PHC1: variants seen among roughly 807,000 people sequenced by gnomAD.
PHC1 encodes polyhomeotic homolog 1, also known as polyhomeotic-like protein 1.
In PHC1, 12 loss-of-function variants were observed where a neutral mutation model predicts 104.3. The ratio of observed to expected loss-of-function variants is 0.12; its 90% CI spans 0.07 to 0.19. The LOEUF (loss-of-function observed/expected upper bound fraction) is 0.19, where lower values mean the gene tolerates loss of function less well. Ranked by LOEUF, PHC1 falls within the 10% of genes least tolerant of loss-of-function variation. The probability of loss-of-function intolerance (pLI) is 1.00; values close to 1 mark genes in which losing one functional copy is unlikely to be tolerated. For synonymous variants in PHC1, 302 were observed against 455.8 expected, an observed-to-expected ratio of 0.66 and a Z score of 4.30; for missense variants, 671 against 1,200.0, an observed-to-expected ratio of 0.56 and a Z score of 6.51.
chr12:8,923,716 A>C (rs1404262365), intron 6 of PHC1, among the ~76,000 whole-genome samples: 1 of 151,590 alleles, frequency 6.6e-6, no homozygotes, highest in Non-Finnish European at 1.5e-5. Flanking sequence ...TGTAGTCCCA[A>C]CTACCTGGGA....
Position 8,937,615 on chromosome 12 carries a change from A to G in PHC1, c.2629-214A>G, listed in dbSNP as rs145125441. Among the ~76,000 whole-genome samples the G allele has an allele frequency of 4.1e-3, 627 of 152,194 alleles. 6 individuals are homozygous for G. Among genetic ancestry groups the G allele is most frequent in the African/African-American group, 0.014 (587 of 41,518 alleles). On this transcript the variant is annotated intron_variant, in intron 13 of 14. Transcript: ENST00000544916. ...TGTACTTGAGAGAAAATCTAGATCA[A>G]TTGTTAGGTCATGGGGAGAATCAAG...
intron 6 of PHC1, among the ~76,000 whole-genome samples, chr12:8,927,422 T>C (rs770861170): frequency 2.0e-5 from 3 of 152,040 alleles, no homozygotes; most frequent in Non-Finnish European, 4.4e-5. Context: ...GAGGAGGCAG[T>C]GGATATTATA....
chr12:8,934,202 C>A, intron 9 of PHC1, 65 bp from the exon 10 acceptor site: 1 of 1,378,862 alleles, frequency 7.3e-7, no homozygotes, highest in South Asian at 1.2e-5. Context: ...ATCATGCTGG[C>A]TCAACTAATA....
chr12:8,930,966 T>G, intron 7 of PHC1, 39 bp downstream of exon 7: 1 of 1,547,742 alleles, frequency 6.5e-7, no homozygotes, highest in Non-Finnish European at 8.7e-7. Flanking sequence ...CTCTCAGAAT[T>G]CATGTGAAAT....
chr12:8,932,447 C>T, intron 7 of PHC1, 116 bp from the exon 8 acceptor site: 1 of 1,068,622 alleles, frequency 9.4e-7, no homozygotes. Flanking sequence ...TTTCTTTTCA[C>T]CGCATAATTC....
Position 8,922,497 on chromosome 12 carries a change from G to C in PHC1, c.457-136G>C, listed in dbSNP as rs1479355747. ...TACATGTGGAGAATATGAGGCTCCT[G>C]GGTTGGTGTGGAAGAGGCAGGGCTC... On this transcript the variant is annotated intron_variant, in intron 5 of 14. Transcript: ENST00000544916. 3 of 679,890 alleles carry C rather than the reference G, an allele frequency of 4.4e-6. No homozygotes were observed. The East Asian group carries it at 8.2e-5, about 19-fold the overall frequency. 42.1% of individuals were successfully genotyped at this position (679,890 alleles called of 1,614,324 possible).
At chr12:8,915,310 T>C (rs1303449549) in intron 1 of PHC1, 1 of 152,264 alleles carries the variant, frequency 6.6e-6, no homozygotes, top group African/African-American at 2.4e-5. Context: ...TCATCAAGGT[T>C]CTATATAGAA....
At chr12:8,920,035 C>A in intron 3 of PHC1, 169 bp downstream of exon 3, 2 of 1,029,800 alleles carry the variant, frequency 1.9e-6, no homozygotes, top group Non-Finnish European at 2.8e-6. Context: ...TCTGGGGTTG[C>A]AGTAAGAACC....
In PHC1 at chr12:8,933,131, G is replaced by A; in HGVS notation, c.1674G>A (p.Met558Ile). ...CTGCTGTACCTACTTCCCGGGGGAT[G>A]CCAGGTACAGTGCAGTCTGGTCAGG... The part of the protein sequence containing the change: ...LAAAVPTSRG[M>I]PGTVQSGQAH... Residue 558 changes from methionine to isoleucine, a missense_variant, in exon 8 of 15, where the codon ATG (methionine) becomes ATA (isoleucine). Physicochemically the swap from Met to Ile is conservative, Grantham distance 10. This residue lies in a region of PHC1 where 26 missense variants were observed against 130.8 expected (regional missense o/e 0.20). Coordinates refer to ENST00000544916, the MANE Select transcript of PHC1 (RefSeq NM_004426.3). 1 of 969,580 alleles carries A rather than the reference G, an allele frequency of 1.0e-6. No homozygotes were observed. The highest frequency in any genetic ancestry group is 1.5e-6 in the Non-Finnish European group (1 of 673,590). The allele number at this position is 969,580 out of a possible 1,614,324, so 60.1% of individuals were successfully genotyped here. A position where few individuals can be genotyped will look rare whatever the true frequency, so the allele number is the denominator to read the frequency against.
At chr12:8,932,092 C>G (rs1945702930) in intron 7 of PHC1, among the ~76,000 whole-genome samples, 1 of 152,210 alleles carries the variant, frequency 6.6e-6, no homozygotes, top group South Asian at 2.1e-4. Context: ...ACATCTTTAA[C>G]TCTGTGGGTA....
intron 6 of PHC1, among the ~76,000 whole-genome samples, chr12:8,925,944 G>A (rs1178472323): frequency 1.3e-5 from 2 of 152,158 alleles, no homozygotes; most frequent in African/African-American, 4.8e-5. Context: ...CATACTGGGG[G>A]TAGCAATGGA....
chr12:8,926,922 A>AG (rs113051960), intron 6 of PHC1, among the ~76,000 whole-genome samples: 39,458 of 151,928 alleles, frequency 0.26, 5,277 homozygotes, highest in South Asian at 0.36. Flanking sequence ...TCTTAAAAAA[A>AG]AAAATGTTTG....
intron 7 of PHC1, among the ~76,000 whole-genome samples, chr12:8,932,294 G>A (rs1220802319): frequency 1.3e-5 from 2 of 152,194 alleles, no homozygotes; most frequent in African/African-American, 4.8e-5. Context: ...AAAGATAAGA[G>A]ACACAAGAAA....
chr12:8,921,647 A>G lies in PHC1; in HGVS notation c.353A>G (p.Gln118Arg). ...GCCGCCCAGCTCATCAGCCGATCCC[A>G]GAGTGTGAGCTCTCCCAGTGCTACC... ...TSAAQLISRS[Q>R]SVSSPSATTL... Residue 118 changes from glutamine to arginine, a missense_variant, in exon 5 of 15, where the codon CAG (glutamine) becomes CGG (arginine). Gln to Arg is a conservative substitution (Grantham distance 43, BLOSUM62 1). Around this residue, in one of 9 missense-constraint regions of PHC1, gnomAD observed 237 missense variants for 331.1 expected, o/e 0.72. Coordinates refer to ENST00000544916, the MANE Select transcript of PHC1 (RefSeq NM_004426.3). The G allele has an allele frequency of 1.2e-6, 2 of 1,613,698 alleles. No homozygotes were observed. Among genetic ancestry groups the G allele is most frequent in the Non-Finnish European group, 1.7e-6 (2 of 1,179,802 alleles).
chr12:8,923,223 G>A (rs1945415730), intron 6 of PHC1, among the ~76,000 whole-genome samples: 1 of 152,166 alleles, frequency 6.6e-6, no homozygotes. Flanking sequence ...AGTTACTCTA[G>A]TTCTCAACTT....
chr12:8,937,020 C>CGT, intron 12 of PHC1, 56 bp downstream of exon 12: 1 of 1,402,204 alleles, frequency 7.1e-7, no homozygotes, highest in East Asian at 2.3e-5. Context: ...TCTAATGTTA[C>CGT]ACCCCTTCCC....
chr12:8,926,560 G>T lies in PHC1; in HGVS notation c.612+3772G>T, dbSNP rs762400195. On this transcript the variant is annotated intron_variant, in intron 6 of 14. Transcript: ENST00000544916. ...CACTTGAACCTGGGAGGTGGAGGTT[G>T]CAGTGAGCCAAGATCGTGCCACTGC... 1.1e-4 allele frequency among the ~76,000 whole-genome samples: 17 copies of T among 151,948 alleles called. No homozygotes were observed. The South Asian group carries it at 2.3e-3, about 20-fold the overall frequency.
intron 14 of PHC1, among the ~76,000 whole-genome samples, 199 bp from the exon 15 acceptor site, chr12:8,939,106 G>T (rs1324052481): frequency 6.6e-6 from 1 of 152,248 alleles, no homozygotes; most frequent in Non-Finnish European, 1.5e-5. Flanking sequence ...GATTATAGGC[G>T]TGAGCCTCTG....
intron 2 of PHC1, among the ~76,000 whole-genome samples, chr12:8,918,455 T>C (rs1006171536): frequency 6.6e-6 from 1 of 152,180 alleles, no homozygotes; most frequent in African/African-American, 2.4e-5. Flanking sequence ...ACCTTTACTG[T>C]ATACCTAAAA....
Sources: gnomAD v4.1 joint callset for allele counts (sites outside exome capture counted in the v4.1 genomes callset) on GRCh38, gnomAD v4.1.1 for gene constraint, gnomAD v4.1.1 regional missense constraint, MANE v1.5 for transcripts, NCBI Gene and HGNC (gene_info 2026-07-23, HGNC 2026-07-21) for gene names.